FBXO11: variants seen among roughly 807,000 people sequenced by gnomAD.
The protein encoded by FBXO11 is F-box protein 11.
A neutral mutation model predicts 117.0 loss-of-function variants in FBXO11; 13 were observed. The observed-to-expected ratio is 0.11, with a 90% CI of 0.07 to 0.18. FBXO11 has a LOEUF of 0.18. Among genes scored for constraint, FBXO11 ranks in the 10% least tolerant of loss-of-function variants. FBXO11 has a pLI of 1.00. For missense variants in FBXO11, 767 were observed against 1,164.4 expected, an observed-to-expected ratio of 0.66 and a Z score of 4.97; for synonymous variants, 490 against 380.5, an observed-to-expected ratio of 1.29 and a Z score of -3.35.
intron 1 of FBXO11, among the ~76,000 whole-genome samples, chr2:47,881,588 T>G (rs1020646802): frequency 2.9e-4 from 44 of 152,312 alleles, no homozygotes; most frequent in African/African-American, 1.1e-3. Flanking sequence ...CTGAATATGT[T>G]TATATTTCTA....
intron 1 of FBXO11, among the ~76,000 whole-genome samples, chr2:47,840,387 T>A (rs1019221970): frequency 6.6e-6 from 1 of 151,702 alleles, no homozygotes; most frequent in Middle Eastern, 3.4e-3. Flanking sequence ...AACGGCTCAA[T>A]ATAGTGCATG....
At chr2:47,890,731 G>A (rs1677194897) in intron 1 of FBXO11, among the ~76,000 whole-genome samples, 1 of 152,036 alleles carries the variant, frequency 6.6e-6, no homozygotes, top group African/African-American at 2.4e-5. Context: ...TTGAACTCGG[G>A]AGGCAGAGGT....
intron 1 of FBXO11, among the ~76,000 whole-genome samples, chr2:47,853,741 G>A (rs1432625447): frequency 2.0e-5 from 3 of 152,072 alleles, no homozygotes; most frequent in African/African-American, 4.8e-5. Context: ...ACAGTACCTG[G>A]CAGAGATGAC....
At position 47,808,387 on chromosome 2, in the gene FBXO11, C is replaced by T; in HGVS notation, c.2596G>A (p.Val866Met). 6.2e-7 allele frequency: 1 copy of T among 1,608,986 alleles called. No individual in the cohort carries two copies. The highest frequency in any genetic ancestry group is 1.3e-5 in the African/African-American group (1 of 74,844). Residue 866 changes from valine (V) to methionine (M), a missense_variant, in exon 22 of 23, where the codon GTG (valine) becomes ATG (methionine). Coordinates refer to ENST00000403359, the MANE Select transcript of FBXO11 (RefSeq NM_001190274.2). Reference protein sequence around the residue: ...CNTTDRNAICVNCIKKCHQGH... With the variant: ...CNTTDRNAICMNCIKKCHQGH... ...TGATGGCACTTCTTAATGCAGTTCA[C>T]ACATATGGCATTTCGATCTGTGGTG...
intron 1 of FBXO11, among the ~76,000 whole-genome samples, chr2:47,854,490 T>C (rs993830601): frequency 1.3e-5 from 2 of 151,654 alleles, no homozygotes; most frequent in Non-Finnish European, 2.9e-5. Context: ...GGGGGTAAAG[T>C]GAATAAAATA....
rs1305800353 is a variant in FBXO11 at position 47,849,347 on chromosome 2, A to G, written c.233-9578T>C. On this transcript the variant is annotated intron_variant, in intron 1 of 22. Transcript: ENST00000403359. ...AGTTACATTTTAAAATTATTTATTT[A>G]GGATACTGTTACATAATACTTCCAT... is the stretch of plus-strand genomic sequence containing the variant. Among the ~76,000 whole-genome samples the G allele has an allele frequency of 2.6e-5, 4 of 152,380 alleles. 1 individual carries two copies. The highest frequency in any genetic ancestry group is 6.8e-3 in the Middle Eastern group (2 of 294).
chr2:47,808,070 T>G lies in FBXO11; in HGVS notation c.*48A>C, dbSNP rs372838997. 2 of 1,518,276 alleles carry G rather than the reference T, an allele frequency of 1.3e-6. No homozygotes were observed. The highest frequency in any genetic ancestry group is 1.8e-6 in the Non-Finnish European group (2 of 1,115,268). 94.1% of individuals were successfully genotyped at this position (1,518,276 alleles called of 1,614,324 possible). Reference sequence around the variant, plus strand: ...TTAAATCTTCTTCCAAAAAAGTGTTTTAAGTTATGATGTTACAATGGCAGG... The same window carrying G: ...TTAAATCTTCTTCCAAAAAAGTGTTGTAAGTTATGATGTTACAATGGCAGG... On this transcript the variant is annotated 3_prime_UTR_variant, in exon 23 of 23. Coordinates refer to ENST00000403359, the MANE Select transcript of FBXO11 (RefSeq NM_001190274.2).
intron 5 of FBXO11, among the ~76,000 whole-genome samples, chr2:47,835,501 T>G (rs1009540390): frequency 1.4e-5 from 2 of 146,760 alleles, no homozygotes; most frequent in Non-Finnish European, 3.0e-5. Flanking sequence ...CCTACTCAAC[T>G]TTTTTTTTTT....
intron 1 of FBXO11, among the ~76,000 whole-genome samples, chr2:47,891,879 G>A (rs537973212): frequency 6.6e-6 from 1 of 152,128 alleles, no homozygotes; most frequent in Non-Finnish European, 1.5e-5. Context: ...ATGATGTTGA[G>A]TCTTTTTCCA....
At chr2:47,877,570 G>T (rs1676100626) in intron 1 of FBXO11, among the ~76,000 whole-genome samples, 2 of 152,082 alleles carry the variant, frequency 1.3e-5, no homozygotes, top group African/African-American at 2.4e-5. Context: ...CAGGTTCATT[G>T]TAACTCTAAG....
At chr2:47,902,325 G>C (rs960212554) in intron 1 of FBXO11, among the ~76,000 whole-genome samples, 2 of 152,194 alleles carry the variant, frequency 1.3e-5, no homozygotes, top group African/African-American at 4.8e-5. Flanking sequence ...TTTAGTCTTA[G>C]GATAGCTGAT....
At chr2:47,824,285 C>G (rs555282805) in intron 11 of FBXO11, among the ~76,000 whole-genome samples, 3 of 151,944 alleles carry the variant, frequency 2.0e-5, no homozygotes, top group Non-Finnish European at 4.4e-5. Flanking sequence ...CCCTGGAGCT[C>G]GAGACCAGCC....
At chr2:47,810,145 A>G (rs1670516248) in intron 19 of FBXO11, 171 bp downstream of exon 19, 1 of 558,620 alleles carries the variant, frequency 1.8e-6, no homozygotes, top group South Asian at 2.5e-5. Flanking sequence ...GGCTTAGAGT[A>G]GAAGAATCCA....
intron 11 of FBXO11, among the ~76,000 whole-genome samples, chr2:47,828,695 T>G (rs1671948980): frequency 2.0e-5 from 3 of 152,058 alleles, no homozygotes; most frequent in Admixed American, 2.0e-4. Flanking sequence ...AATGCTATCT[T>G]CATAGAAATA....
At chr2:47,828,366 A>C (rs1350971922) in intron 11 of FBXO11, among the ~76,000 whole-genome samples, 1 of 152,138 alleles carries the variant, frequency 6.6e-6, no homozygotes, top group East Asian at 1.9e-4. Flanking sequence ...AATATGACAA[A>C]GTAGGCCAGG....
At chr2:47,884,135 C>T (rs1170322945) in intron 1 of FBXO11, among the ~76,000 whole-genome samples, 1 of 152,182 alleles carries the variant, frequency 6.6e-6, no homozygotes, top group Non-Finnish European at 1.5e-5. Flanking sequence ...AGCAGAATCA[C>T]TTGAACCCGG....
intron 18 of FBXO11, among the ~76,000 whole-genome samples, chr2:47,812,577 G>C (rs1670698742): frequency 2.0e-5 from 3 of 152,150 alleles, no homozygotes; most frequent in Non-Finnish European, 4.4e-5. Context: ...CTTGGCTGTG[G>C]TATTAAATTT....
Position 47,900,674 on chromosome 2 carries a change from ACACACG to A in FBXO11, c.232+4809_232+4814del, listed in dbSNP as rs1211303738. ...CACGTATACACACACGTACGTATAT[ACACACG>A]TATACACACACGTATACACACACGT... On this transcript the variant is annotated intron_variant, in intron 1 of 22. Transcript: ENST00000403359. Among the ~76,000 whole-genome samples the A allele has an allele frequency of 2.3e-4, 20 of 88,366 alleles. 2 individuals are homozygous for A. The highest frequency in any genetic ancestry group is 3.3e-4 in the African/African-American group (7 of 21,400). 58.0% of individuals were successfully genotyped at this position (88,366 alleles called of 152,430 possible).
intron 11 of FBXO11, among the ~76,000 whole-genome samples, chr2:47,825,745 T>A (rs1166999302): frequency 1.3e-5 from 2 of 151,890 alleles, no homozygotes; most frequent in African/African-American, 4.8e-5. Flanking sequence ...CCTGGCCAAT[T>A]TTTGTGTTTT....
Sources: gnomAD v4.1 joint callset for allele counts (sites outside exome capture counted in the v4.1 genomes callset) on GRCh38, gnomAD v4.1.1 for gene constraint, MANE v1.5 for transcripts, NCBI Gene and HGNC (gene_info 2026-07-23, HGNC 2026-07-21) for gene names.